Variants in SIRPB1 observed in about 807,000 individuals in gnomAD.
SIRPB1 encodes the protein signal-regulatory protein beta-1.
In SIRPB1, 28 loss-of-function variants were observed where a neutral mutation model predicts 34.1. The ratio of observed to expected loss-of-function variants is 0.82; its 90% confidence interval spans 0.61 to 1.12. The LOEUF (loss-of-function observed/expected upper bound fraction) is 1.12, where lower values mean the gene tolerates loss of function less well. Ranked by LOEUF, SIRPB1 falls within the 50% of genes most tolerant of loss-of-function variation. The probability of loss-of-function intolerance (pLI) is 0.00; values close to 1 mark genes in which losing one functional copy is unlikely to be tolerated. For synonymous variants in SIRPB1, 211 were observed against 203.8 expected, an observed-to-expected ratio of 1.04 and a Z score of -0.30; for missense variants, 499 against 507.0, an observed-to-expected ratio of 0.98 and a Z score of 0.15.
chr20:1,566,169 T>A lies in SIRPB1; in HGVS notation c.1183A>T (p.Lys395Ter), dbSNP rs2091129279. ...TAAACTTACAGTCAGGCCTTCTGTT[T>A]CCAGCAGATGTAGATGGCAGAGACA... ...VGVSAIYICW[K>*]QKA The change falls in exon 5 of 6, where the codon AAA (lysine) becomes TAA (stop). Residue 395 changes from lysine (K) to a stop codon, truncating the protein, a stop_gained. Coordinates refer to ENST00000381605, the MANE Select transcript of SIRPB1 (RefSeq NM_006065.5). LOFTEE classifies it high-confidence loss of function. 1.9e-6 allele frequency: 3 copies of A among 1,607,792 alleles called. No individual in the cohort carries two copies. Among genetic ancestry groups the A allele is most frequent in the Non-Finnish European group, 2.5e-6 (3 of 1,176,882 alleles).
chr20:1,578,549 G>A lies in SIRPB1; in HGVS notation c.222C>T (p.Gly74=). The A allele has an allele frequency of 6.3e-7, 1 of 1,583,816 alleles. No homozygotes were observed. Among genetic ancestry groups the A allele is most frequent in the African/African-American group, 1.4e-5 (1 of 73,928 alleles). ...PIMWFRGAGA[G]RELIYNQKEG... is the part of the protein sequence containing the mutation. ...CTTTCTGATTGTAGATTAATTCCCGGCCTGCTCCAGCTCCTCTAAACCACA... is the reference window on the plus strand; with the variant it reads ...CTTTCTGATTGTAGATTAATTCCCGACCTGCTCCAGCTCCTCTAAACCACA... Residue 74 remains glycine (G), a synonymous_variant, in exon 2 of 6, where the codon GGC becomes GGT. Transcript: ENST00000381605.
At chr20:1,579,505 C>A (rs371524487) in intron 1 of SIRPB1, among the ~76,000 whole-genome samples, 1 of 148,562 alleles carries the variant, frequency 6.7e-6, no homozygotes, top group Non-Finnish European at 1.5e-5. Context: ...TTCTCCCTTC[C>A]GGAGACCACG....
chr20:1,566,362 A>T, intron 4 of SIRPB1, 95 bp from the exon 5 acceptor site: 2 of 672,420 alleles, frequency 3.0e-6, no homozygotes, highest in South Asian at 3.8e-5. Context: ...ACCTGGGCCC[A>T]TCAATCCTCT....
In SIRPB1 at chr20:1,562,265, C is replaced by CT. The variant is rs2091088441; in HGVS notation, c.*3234dup. 7.2e-5 allele frequency among the ~76,000 whole-genome samples: 11 copies of CT among 152,224 alleles called. No homozygotes were observed. The South Asian group carries it at 2.1e-3, about 29-fold the overall frequency. On this transcript the variant is annotated 3_prime_UTR_variant, in exon 6 of 6. Coordinates refer to ENST00000381605, the MANE Select transcript of SIRPB1 (RefSeq NM_006065.5). ...GAGAGAGTAGTCTTTAAAGAAAGAGCTTGAGAATACAGCACACAAGCCAAG... is the reference window on the plus strand; with the variant it reads ...GAGAGAGTAGTCTTTAAAGAAAGAGCTTTGAGAATACAGCACACAAGCCAAG...
chr20:1,578,221 A>G (rs1342104036), intron 2 of SIRPB1, 117 bp downstream of exon 2: 4 of 1,144,140 alleles, frequency 3.5e-6, no homozygotes, highest in Non-Finnish European at 5.2e-6. Flanking sequence ...ACATCAGTTC[A>G]TGAAAGGGTG....
rs2091086951 is a variant in SIRPB1 at position 1,562,034 on chromosome 20, A to C, written c.*3466T>G. ...AGATATTTATTTTATACTTTGGACT[A>C]TAACTCATTACTACTTTACTTATTT... On this transcript the variant is annotated 3_prime_UTR_variant, in exon 6 of 6. Transcript: ENST00000381605. Among the ~76,000 whole-genome samples, 1 of 152,202 alleles carries C rather than the reference A, an allele frequency of 6.6e-6. No individual in the cohort carries two copies. The highest frequency in any genetic ancestry group is 2.4e-5 in the African/African-American group (1 of 41,452).
intron 4 of SIRPB1, among the ~76,000 whole-genome samples, chr20:1,570,120 T>C (rs2091205151): frequency 6.6e-6 from 1 of 152,264 alleles, no homozygotes; most frequent in African/African-American, 2.4e-5. Context: ...CCCTCATTAC[T>C]TCCTAAGTCC....
chr20:1,565,955 A>G (rs1349720527), intron 5 of SIRPB1, among the ~76,000 whole-genome samples, 198 bp downstream of exon 5: 1 of 151,944 alleles, frequency 6.6e-6, no homozygotes, highest in Non-Finnish European at 1.5e-5. Flanking sequence ...ACCCTTGACC[A>G]TCCCAACTCC....
chr20:1,580,578 C>A lies in SIRPB1; in HGVS notation c.77-1884G>T, dbSNP rs2746604. On this transcript the variant is annotated intron_variant, in intron 1 of 5. Transcript: ENST00000381605. ...AGGGGTCCCCCCAATGGGTATAAGCCGGTGGAAGAATAATCAGAAAACTGG... is the reference window on the plus strand; with the variant it reads ...AGGGGTCCCCCCAATGGGTATAAGCAGGTGGAAGAATAATCAGAAAACTGG... Among the ~76,000 whole-genome samples the A allele has an allele frequency of 4.2e-5, 2 of 48,126 alleles. 1 individual carries two copies. The highest frequency in any genetic ancestry group is 8.0e-5 in the Non-Finnish European group (2 of 24,930). The allele number at this position is 48,126 out of a possible 152,430, so 31.6% of individuals were successfully genotyped here.
rs776573667 is a variant in SIRPB1, at chr20:1,578,548, G to T, written c.223C>A (p.Arg75=). 6.3e-7 allele frequency: 1 copy of T among 1,583,650 alleles called. No homozygotes were observed. Among genetic ancestry groups the T allele is most frequent in the East Asian group, 2.2e-5 (1 of 44,854 alleles). The change falls in exon 2 of 6, where the codon CGG becomes AGG. Residue 75 remains arginine (R), a synonymous_variant. Coordinates refer to ENST00000381605, the MANE Select transcript of SIRPB1 (RefSeq NM_006065.5). ...TCTTTCTGATTGTAGATTAATTCCCGGCCTGCTCCAGCTCCTCTAAACCAC... is the reference window on the plus strand; with the variant it reads ...TCTTTCTGATTGTAGATTAATTCCCTGCCTGCTCCAGCTCCTCTAAACCAC... ...IMWFRGAGAG[R]ELIYNQKEGH...
chr20:1,579,550 C>T (rs2091372699), intron 1 of SIRPB1, among the ~76,000 whole-genome samples: 1 of 148,522 alleles, frequency 6.7e-6, no homozygotes, highest in South Asian at 2.1e-4. Flanking sequence ...CGCCTGGATG[C>T]GTGAATGACC....
intron 5 of SIRPB1, among the ~76,000 whole-genome samples, chr20:1,565,702 T>A (rs1600087063): frequency 2.0e-5 from 3 of 150,672 alleles, no homozygotes; most frequent in African/African-American, 7.4e-5. Flanking sequence ...TGCTCCCTCT[T>A]CCCCGCTTTC....
chr20:1,617,209 A>T (rs751518363), intron 1 of SIRPB1, among the ~76,000 whole-genome samples: 22 of 152,206 alleles, frequency 1.4e-4, no homozygotes, highest in Non-Finnish European at 2.9e-4. Context: ...AAAGGAAATG[A>T]CATAAGCATG....
chr20:1,571,982 G>T lies in SIRPB1; in HGVS notation c.489C>A (p.His163Gln). The change falls in exon 3 of 6, where the codon CAC becomes CAA. Residue 163 changes from histidine (H) to glutamine (Q), a missense_variant. Transcript: ENST00000381605. Reference sequence around the variant, plus strand: ...GGGACTCGCAGGTGAAGCTCACTGTGTGCTCAGGTGTGGCCCTCACCGCAG... The same window carrying T: ...GGGACTCGCAGGTGAAGCTCACTGTTTGCTCAGGTGTGGCCCTCACCGCAG... ...SGPAVRATPE[H>Q]TVSFTCESHG... is the part of the protein sequence containing the mutation. 3 of 1,614,144 alleles carry T rather than the reference G, an allele frequency of 1.9e-6. No homozygotes were observed. The highest frequency in any genetic ancestry group is 2.5e-6 in the Non-Finnish European group (3 of 1,180,026).
chr20:1,616,863 C>G (rs1340006196), intron 1 of SIRPB1, among the ~76,000 whole-genome samples: 4 of 152,060 alleles, frequency 2.6e-5, no homozygotes, highest in Non-Finnish European at 5.9e-5. Context: ...AAGAAAACAA[C>G]CCAACTAAAA....
In SIRPB1 at chr20:1,562,245, A is replaced by T. The variant is rs2091088308; in HGVS notation, c.*3255T>A. Among the ~76,000 whole-genome samples the T allele has an allele frequency of 6.6e-6, 1 of 152,202 alleles. No individual in the cohort carries two copies. Among genetic ancestry groups the T allele is most frequent in the Non-Finnish European group, 1.5e-5 (1 of 68,034 alleles). ...AATGTTTTAAACAGAAAGAAGAGAGAGTAGTCTTTAAAGAAAGAGCTTGAG... is the reference window on the plus strand; with the variant it reads ...AATGTTTTAAACAGAAAGAAGAGAGTGTAGTCTTTAAAGAAAGAGCTTGAG... On this transcript the variant is annotated 3_prime_UTR_variant, in exon 6 of 6. Transcript: ENST00000381605.
rs763488435 is a variant in SIRPB1 at position 1,571,999 on chromosome 20, T to G, written c.472A>C (p.Arg158=). 55 of 1,613,930 alleles carry G rather than the reference T, an allele frequency of 3.4e-5. No individual in the cohort carries two copies. Among genetic ancestry groups the G allele is most frequent in the Non-Finnish European group, 4.5e-5 (53 of 1,179,978 alleles). ...SAPVVSGPAV[R]ATPEHTVSFT... ...CTCACTGTGTGCTCAGGTGTGGCCC[T>G]CACCGCAGGGCCCGATACCACGGGG... The change falls in exon 3 of 6, where the codon AGG becomes CGG. Residue 158 remains arginine (R), a synonymous_variant. Coordinates refer to ENST00000381605, the MANE Select transcript of SIRPB1 (RefSeq NM_006065.5).
At chr20:1,567,422 C>T (rs1483111754) in intron 4 of SIRPB1, among the ~76,000 whole-genome samples, 1 of 152,184 alleles carries the variant, frequency 6.6e-6, no homozygotes, top group Non-Finnish European at 1.5e-5. Flanking sequence ...CTCAGCACCT[C>T]CCTCCTCCTA....
rs1428704193 is a variant in SIRPB1, at chr20:1,602,055, T to C, written c.76+17814A>G. Among the ~76,000 whole-genome samples, 7 of 48,144 alleles carry C rather than the reference T, an allele frequency of 1.5e-4. 3 individuals carry two copies. The highest frequency in any genetic ancestry group is 5.5e-4 in the African/African-American group (4 of 7,268). 31.6% of individuals were successfully genotyped at this position (48,144 alleles called of 152,430 possible). A position where few individuals can be genotyped will look rare whatever the true frequency, so the allele number is the denominator to read the frequency against. On this transcript the variant is annotated intron_variant, in intron 1 of 5. Coordinates refer to ENST00000381605, the MANE Select transcript of SIRPB1 (RefSeq NM_006065.5). ...AAATAAACCCGAAGCAAGCTGCAGA[T>C]AGGAATTAATAAAAAAGAGAAGAGA...
Sources: allele counts gnomAD v4.1 joint callset (sites outside exome capture counted in the v4.1 genomes callset), GRCh38; gene constraint gnomAD v4.1.1; transcripts MANE v1.5; gene names NCBI Gene and HGNC (gene_info 2026-07-23, HGNC 2026-07-21).